Variants in PUS7L observed in about 807,000 individuals in gnomAD.
PUS7L encodes the protein pseudouridine synthase 7 like, also known as pseudouridylate synthase PUS7L.
In PUS7L, 49 loss-of-function variants were observed where a neutral mutation model predicts 51.1. That is an observed-to-expected ratio of 0.96 (90% confidence interval 0.76 to 1.22). The LOEUF (loss-of-function observed/expected upper bound fraction) is 1.22. Among genes scored for constraint, PUS7L ranks in the 50% most tolerant of loss-of-function variants. The pLI is 0.00. For synonymous variants in PUS7L, 277 were observed against 276.2 expected (o/e 1.00, Z -0.03); for missense variants, 828 against 820.6 (o/e 1.01, Z -0.11).
chr12:43,742,351 G>A, intron 5 of PUS7L, 106 bp downstream of exon 5: 2 of 724,446 alleles, frequency 2.8e-6, no homozygotes, highest in Non-Finnish European at 4.7e-6. Flanking sequence ...TGGTATGTGA[G>A]TGTTTACATG....
rs201607086 is a variant in PUS7L, at chr12:43,754,731, C to T, written c.515G>A (p.Arg172Lys). 3.6e-5 allele frequency: 58 copies of T among 1,613,910 alleles called. No individual in the cohort carries two copies. The Middle Eastern group carries it at 6.6e-4, about 18-fold the overall frequency. ...SIGRILDKNQ[R>K]ASLHSAIRQK... ...CCTAATGGCACTGTGTAAACTAGCC[C>T]TCTGGTTTTTGTCAAGGATTCTGCC... The change falls in exon 2 of 9, where the codon AGG becomes AAG. Residue 172 changes from arginine (R) to lysine (K), a missense_variant. Arg to Lys is a conservative substitution (Grantham distance 26). Coordinates refer to ENST00000344862, the MANE Select transcript of PUS7L (RefSeq NM_031292.5).
At position 43,728,976 on chromosome 12, in the gene PUS7L, T is replaced by G. The variant is rs1944492815; in HGVS notation, c.*1400A>C. 1 of 335,410 alleles carries G rather than the reference T, an allele frequency of 3.0e-6. No individual in the cohort carries two copies. Among genetic ancestry groups the G allele is most frequent in the African/African-American group, 2.1e-5 (1 of 47,358 alleles). 20.8% of individuals were successfully genotyped at this position (335,410 alleles called of 1,614,324 possible). A position where few individuals can be genotyped will look rare whatever the true frequency, so the allele number is the denominator to read the frequency against. On this transcript the variant is annotated 3_prime_UTR_variant, in exon 9 of 9. Transcript: ENST00000344862. The stretch of plus-strand genomic sequence containing the variant: ...GTTAGTTTGTCTCCAATATCTGTGC[T>G]TTTAATCACTATGCTAACATGTCTC...
Position 43,731,753 on chromosome 12 carries a change from G to T in PUS7L, c.1731C>A (p.His577Gln). Reference sequence around the variant, plus strand: ...CTGATCCCTCCTCTTCAGTTACCAGGTGAATCTAGTTTTAAAAAACATGAA... The same window carrying T: ...CTGATCCCTCCTCTTCAGTTACCAGTTGAATCTAGTTTTAAAAAACATGAA... ...DDENFPNSKIHLVTEEEGSAN... is the reference protein window; with the variant it reads ...DDENFPNSKIQLVTEEEGSAN... The change falls in exon 8 of 9, where the codon CAC (histidine) becomes CAA (glutamine). Residue 577 changes from histidine to glutamine, a missense_variant. Coordinates refer to ENST00000344862, the MANE Select transcript of PUS7L (RefSeq NM_031292.5). 1 of 1,566,024 alleles carries T rather than the reference G, an allele frequency of 6.4e-7. No individual in the cohort carries two copies. Among genetic ancestry groups the T allele is most frequent in the Non-Finnish European group, 8.7e-7 (1 of 1,143,952 alleles).
At chr12:43,742,436 T>C in intron 5 of PUS7L, 21 bp downstream of exon 5, 1 of 1,536,224 alleles carries the variant, frequency 6.5e-7, no homozygotes, top group Non-Finnish European at 9.0e-7. Context: ...CAGATAAGAT[T>C]ACATTTTTCA....
At position 43,727,728 on chromosome 12, in the gene PUS7L, A is replaced by G. The variant is rs1944473747; in HGVS notation, c.*2648T>C. 1 of 152,204 alleles carries G rather than the reference A, an allele frequency of 6.6e-6. No individual in the cohort carries two copies. The highest frequency in any genetic ancestry group is 2.4e-5 in the African/African-American group (1 of 41,456). The allele number at this position is 152,204 out of a possible 1,614,324, so 9.4% of individuals were successfully genotyped here. A position where few individuals can be genotyped will look rare whatever the true frequency, so the allele number is the denominator to read the frequency against. On this transcript the variant is annotated 3_prime_UTR_variant, in exon 9 of 9. Coordinates refer to ENST00000344862, the MANE Select transcript of PUS7L (RefSeq NM_031292.5). ...GATGAGGATAGAAAAACAACCTATC[A>G]GGTACTATGCTCATTATCTGGGTGA...
At chr12:43,745,681 T>C (rs1393879342) in intron 4 of PUS7L, among the ~76,000 whole-genome samples, 1 of 152,202 alleles carries the variant, frequency 6.6e-6, no homozygotes, top group Non-Finnish European at 1.5e-5. Flanking sequence ...GTGTGATTTA[T>C]AATGTGTATA....
chr12:43,725,025 T>C lies in PUS7L; in HGVS notation c.*5351A>G, dbSNP rs1944436794. 1 of 152,202 alleles carries C rather than the reference T, an allele frequency of 6.6e-6. No individual in the cohort carries two copies. The highest frequency in any genetic ancestry group is 2.4e-5 in the African/African-American group (1 of 41,458). The allele number at this position is 152,202 out of a possible 1,614,324, so 9.4% of individuals were successfully genotyped here. On this transcript the variant is annotated 3_prime_UTR_variant, in exon 9 of 9. Coordinates refer to ENST00000344862, the MANE Select transcript of PUS7L (RefSeq NM_031292.5). ...GTTTCTGAGCCTGAGGCCTGCATAG[T>C]TGGCTAAAAAGGTAAATCAGCCAAT...
At chr12:43,749,501 A>G (rs1175498226) in intron 2 of PUS7L, among the ~76,000 whole-genome samples, 1 of 152,066 alleles carries the variant, frequency 6.6e-6, no homozygotes, top group African/African-American at 2.4e-5. Flanking sequence ...TGGGCAACAT[A>G]TGGAGACCCC....
Position 43,742,560 on chromosome 12 carries a change from G to A in PUS7L, c.1264-5C>T. 1 of 1,578,454 alleles carries A rather than the reference G, an allele frequency of 6.3e-7. No individual in the cohort carries two copies. The highest frequency in any genetic ancestry group is 8.6e-7 in the Non-Finnish European group (1 of 1,163,902). ...GTAATTCACAAAGCCTTTTTTCTAT[G>A]TATACAAAATAATCAACAAATTAAG... is the stretch of plus-strand genomic sequence containing the variant. On this transcript the variant is annotated splice_polypyrimidine_tract_variant and splice_region_variant and intron_variant, in intron 4 of 8. Transcript: ENST00000344862.
Position 43,754,610 on chromosome 12 carries a change from T to C in PUS7L, c.636A>G (p.Glu212=), listed in dbSNP as rs138060156. The change falls in exon 2 of 9, where the codon GAA becomes GAG. Residue 212 remains glutamate (E), a synonymous_variant. Coordinates refer to ENST00000344862, the MANE Select transcript of PUS7L (RefSeq NM_031292.5). ...EYKELCHLVS[E]EEAFDFFKYL... is the part of the protein sequence containing the mutation. ...ATTTAAAAAAGTCAAATGCTTCCTC[T>C]TCAGATACCAAATGACAAAGTTCTT... is the stretch of plus-strand genomic sequence containing the variant. The C allele has an allele frequency of 5.0e-6, 8 of 1,613,072 alleles. No homozygotes were observed. The highest frequency in any genetic ancestry group is 6.8e-6 in the Non-Finnish European group (8 of 1,179,644).
rs765877454 is a variant in PUS7L at position 43,736,589 on chromosome 12, T to G, written c.1517A>C (p.His506Pro). The G allele has an allele frequency of 2.5e-6, 4 of 1,614,152 alleles. No individual in the cohort carries two copies. In the Admixed American group the frequency reaches 6.7e-5, roughly 27 times the overall value. ...ACCTTCCTCGGTCATGCCAAAGCGGTGCAATGCCTCCAACAATGCTCTCTC... is the reference window on the plus strand; with the variant it reads ...ACCTTCCTCGGTCATGCCAAAGCGGGGCAATGCCTCCAACAATGCTCTCTC... ...VRERALLEALHRFGMTEEGCI... is the reference protein window; with the variant it reads ...VRERALLEALPRFGMTEEGCI... Residue 506 changes from histidine (H) to proline (P), a missense_variant, in exon 7 of 9, where the codon CAC becomes CCC. Coordinates refer to ENST00000344862, the MANE Select transcript of PUS7L (RefSeq NM_031292.5).
chr12:43,740,152 T>C (rs1208339169), intron 5 of PUS7L, among the ~76,000 whole-genome samples: 7 of 152,226 alleles, frequency 4.6e-5, no homozygotes, highest in African/African-American at 9.7e-5. Context: ...TAAAAGATGT[T>C]CCTTTTTTAA....
At chr12:43,758,653 C>G in intron 1 of PUS7L, 77 bp downstream of exon 1, 7 of 499,580 alleles carry the variant, frequency 1.4e-5, no homozygotes, top group Non-Finnish European at 1.4e-5. Context: ...CCAACCTCGT[C>G]ACCCCCCCCC....
At chr12:43,731,654 G>A (rs776321955) in intron 8 of PUS7L, 51 bp downstream of exon 8, 2 of 1,041,620 alleles carry the variant, frequency 1.9e-6, no homozygotes, top group South Asian at 3.0e-5. Flanking sequence ...GCTTTTTGGG[G>A]ACAATGTCTA....
intron 2 of PUS7L, among the ~76,000 whole-genome samples, chr12:43,753,766 T>C (rs1461339563): frequency 6.6e-6 from 1 of 152,100 alleles, no homozygotes; most frequent in Non-Finnish European, 1.5e-5. Flanking sequence ...AATCAGAAAC[T>C]GAGAATGGAG....
intron 2 of PUS7L, among the ~76,000 whole-genome samples, chr12:43,751,027 C>T (rs1213237233): frequency 4.6e-5 from 7 of 152,112 alleles, no homozygotes; most frequent in Non-Finnish European, 8.8e-5. Context: ...TGTTGCGTAA[C>T]AAGTCACTTC....
intron 7 of PUS7L, 147 bp downstream of exon 7, chr12:43,736,234 C>T (rs1944685205): frequency 1.4e-6 from 1 of 700,666 alleles, no homozygotes; most frequent in African/African-American, 1.8e-5. Flanking sequence ...TGACAGCAGA[C>T]TTGAAGCAGG....
intron 4 of PUS7L, among the ~76,000 whole-genome samples, chr12:43,743,679 C>T (rs1344151393): frequency 1.3e-5 from 2 of 151,956 alleles, no homozygotes; most frequent in African/African-American, 2.4e-5. Context: ...AGGAGAATGG[C>T]GTGAACCCGG....
Position 43,725,448 on chromosome 12 carries a change from G to A in PUS7L, c.*4928C>T, listed in dbSNP as rs1193662944. 2.0e-5 allele frequency: 3 copies of A among 149,494 alleles called. No homozygotes were observed. Among genetic ancestry groups the A allele is most frequent in the Admixed American group, 1.3e-4 (2 of 15,048 alleles). The allele number at this position is 149,494 out of a possible 1,614,324, so 9.3% of individuals were successfully genotyped here. A position where few individuals can be genotyped will look rare whatever the true frequency, so the allele number is the denominator to read the frequency against. ...AGTTTAGTTTTTTTTTTTTTTTGAGGTGGAGCCTCGCTCTGTCACCTAGGC... is the reference window on the plus strand; with the variant it reads ...AGTTTAGTTTTTTTTTTTTTTTGAGATGGAGCCTCGCTCTGTCACCTAGGC... On this transcript the variant is annotated 3_prime_UTR_variant, in exon 9 of 9. Coordinates refer to ENST00000344862, the MANE Select transcript of PUS7L (RefSeq NM_031292.5).
Sources: gnomAD v4.1 joint callset for allele counts (sites outside exome capture counted in the v4.1 genomes callset) on GRCh38, gnomAD v4.1.1 for gene constraint, MANE v1.5 for transcripts, NCBI Gene and HGNC (gene_info 2026-07-23, HGNC 2026-07-21) for gene names.